ROBO2: variants seen among roughly 807,000 people sequenced by gnomAD.
The protein encoded by ROBO2 is roundabout homolog 2.
A neutral mutation model predicts 160.8 loss-of-function variants in ROBO2; 53 were observed. The ratio of observed to expected loss-of-function variants is 0.33; its 90% CI spans 0.26 to 0.41. The LOEUF (loss-of-function observed/expected upper bound fraction) is 0.41. Among genes scored for constraint, ROBO2 ranks in the 10% least tolerant of loss-of-function variants. The probability of loss-of-function intolerance (pLI) is 1.00; values close to 1 mark genes in which losing one functional copy is unlikely to be tolerated. For missense variants in ROBO2, 1,577 were observed against 1,722.4 expected, an observed-to-expected ratio of 0.92 and a Z score of 1.49; for synonymous variants, 664 against 611.7, an observed-to-expected ratio of 1.09 and a Z score of -1.26.
intron 18 of ROBO2, 50 bp downstream of exon 19, chr3:77,595,234 G>T: frequency 7.3e-7 from 1 of 1,371,558 alleles, no homozygotes. Flanking sequence ...AATCAGGACT[G>T]GGGAAACTCT....
intron 2 of ROBO2, among the ~76,000 whole-genome samples, chr3:76,590,160 C>T (rs981472656): frequency 1.3e-5 from 2 of 152,002 alleles, no homozygotes; most frequent in Admixed American, 1.3e-4. Flanking sequence ...ATAGAAATAA[C>T]CAAAATTCTA....
At chr3:76,451,006 G>T (rs1042239325) in intron 2 of ROBO2, among the ~76,000 whole-genome samples, 5 of 152,086 alleles carry the variant, frequency 3.3e-5, no homozygotes, top group African/African-American at 1.2e-4. Context: ...CACAGTGGCC[G>T]CAGACGCCTT....
At chr3:75,928,655 C>T (rs1004813252) in intron 1 of ROBO2, among the ~76,000 whole-genome samples, 48 of 152,232 alleles carry the variant, frequency 3.2e-4, no homozygotes, top group African/African-American at 1.1e-3. Context: ...ACACAGGAAA[C>T]TTCTTTTCCA....
intron 2 of ROBO2, among the ~76,000 whole-genome samples, chr3:76,392,606 C>A (rs945297956): frequency 1.3e-5 from 2 of 152,076 alleles, no homozygotes; most frequent in Non-Finnish European, 2.9e-5. Flanking sequence ...TGGCTTTCCA[C>A]TTTAGGGATT....
chr3:77,549,637 G>A (rs1298249300), intron 7 of ROBO2, among the ~76,000 whole-genome samples: 1 of 151,916 alleles, frequency 6.6e-6, no homozygotes, highest in Non-Finnish European at 1.5e-5. Context: ...CCATCATGTT[G>A]CAATAAAGAG....
intron 2 of ROBO2, among the ~76,000 whole-genome samples, chr3:76,463,370 T>TG (rs2078188625): frequency 1.7e-5 from 2 of 116,684 alleles, no homozygotes; most frequent in Admixed American, 9.2e-5. Context: ...AGAAAGTGTT[T>TG]GGGAAAAAAA....
chr3:77,404,638 G>A (rs2076111145), intron 2 of ROBO2, among the ~76,000 whole-genome samples: 1 of 152,088 alleles, frequency 6.6e-6, no homozygotes, highest in Non-Finnish European at 1.5e-5. Flanking sequence ...CGTTTTACAG[G>A]GGACATATGG....
At chr3:76,965,351 C>A (rs2149255696) in intron 2 of ROBO2, among the ~76,000 whole-genome samples, 1 of 152,328 alleles carries the variant, frequency 6.6e-6, no homozygotes, top group African/African-American at 2.4e-5. Flanking sequence ...TGTAAAGCTA[C>A]ACTCAGGAAA....
chr3:77,381,894 G>T (rs2073520631), intron 2 of ROBO2, among the ~76,000 whole-genome samples: 1 of 152,070 alleles, frequency 6.6e-6, no homozygotes, highest in African/African-American at 2.4e-5. Context: ...TGTTTATGGG[G>T]GGTGAGGGGC....
chr3:77,190,127 T>C (rs1350167048), intron 2 of ROBO2, among the ~76,000 whole-genome samples: 2 of 151,916 alleles, frequency 1.3e-5, no homozygotes, highest in Non-Finnish European at 2.9e-5. Flanking sequence ...ATAGTATTTT[T>C]CTGGGGGAAA....
At chr3:77,624,400 C>T (rs924651353) in intron 23 of ROBO2, among the ~76,000 whole-genome samples, 83 of 151,508 alleles carry the variant, frequency 5.5e-4, no homozygotes, top group African/African-American at 1.4e-3. Flanking sequence ...GGAGTGAGTA[C>T]GTGTATAAAT....
chr3:77,095,234 A>G (rs1376407005), intron 1 of ROBO2, among the ~76,000 whole-genome samples: 1 of 152,164 alleles, frequency 6.6e-6, no homozygotes, highest in East Asian at 1.9e-4. Flanking sequence ...CTGATATGAC[A>G]GTACTATAAT....
At chr3:76,248,291 T>C (rs1036339560) in intron 2 of ROBO2, among the ~76,000 whole-genome samples, 7 of 152,006 alleles carry the variant, frequency 4.6e-5, no homozygotes, top group African/African-American at 7.3e-5. Flanking sequence ...CACACATACA[T>C]CATGGAATAC....
At chr3:76,685,210 T>TTTTTG (rs370966248) in intron 2 of ROBO2, among the ~76,000 whole-genome samples, 2 of 139,802 alleles carry the variant, frequency 1.4e-5, no homozygotes, top group Non-Finnish European at 3.1e-5. Flanking sequence ...TTTTTTTTTT[T>TTTTTG]CCAGTAATTT....
intron 2 of ROBO2, among the ~76,000 whole-genome samples, chr3:76,673,685 A>T (rs2092329503): frequency 6.6e-6 from 1 of 152,158 alleles, no homozygotes. Flanking sequence ...ATTTTCTTTC[A>T]TCATTATAAG....
intron 2 of ROBO2, among the ~76,000 whole-genome samples, chr3:76,573,277 A>AT: frequency 6.6e-6 from 1 of 152,118 alleles, no homozygotes; most frequent in Non-Finnish European, 1.5e-5. Context: ...TGGGGTTGAT[A>AT]ATAGCTACAT....
At chr3:77,129,454 T>C (rs763550251) in intron 2 of ROBO2, among the ~76,000 whole-genome samples, 4 of 152,162 alleles carry the variant, frequency 2.6e-5, no homozygotes, top group Non-Finnish European at 5.9e-5. Context: ...AAATCTGTGA[T>C]TGGGGATTTG....
At chr3:77,432,308 G>T (rs1341828047) in intron 2 of ROBO2, among the ~76,000 whole-genome samples, 1 of 152,112 alleles carries the variant, frequency 6.6e-6, no homozygotes, top group East Asian at 1.9e-4. Context: ...AGTGAATTCT[G>T]TATGGGTAAT....
chr3:76,829,675 C>CT (rs200612394), intron 2 of ROBO2, among the ~76,000 whole-genome samples: 17,998 of 130,678 alleles, frequency 0.14, 1,247 homozygotes, highest in East Asian at 0.25. Flanking sequence ...TTTTCTTTTT[C>CT]TTTTTTTTTT....
Sources: allele counts gnomAD v4.1 joint callset (sites outside exome capture counted in the v4.1 genomes callset), GRCh38; gene constraint gnomAD v4.1.1; transcripts MANE v1.5; gene names NCBI Gene and HGNC (gene_info 2026-07-23, HGNC 2026-07-21).